Variants in WDR62 observed in about 807,000 individuals in gnomAD.
WDR62 encodes WD repeat-containing protein 62.
WDR62 carries 112 observed loss-of-function variants against 160.6 expected under a neutral mutation model. That is an observed-to-expected ratio of 0.70 (90% CI 0.60 to 0.82). The LOEUF (loss-of-function observed/expected upper bound fraction) is 0.82, where lower values mean the gene tolerates loss of function less well. Ranked by LOEUF, WDR62 falls within the 40% of genes least tolerant of loss-of-function variation. The pLI is 0.00. For synonymous variants in WDR62, 792 were observed against 815.1 expected, an observed-to-expected ratio of 0.97 and a Z score of 0.48; for missense variants, 1,819 against 1,983.8, an observed-to-expected ratio of 0.92 and a Z score of 1.58.
intron 8 of WDR62, 48 bp downstream of exon 8, chr19:36,071,764 G>T: frequency 1.9e-6 from 3 of 1,584,770 alleles, no homozygotes; most frequent in Non-Finnish European, 2.6e-6. Context: ...CCCAGAGTCT[G>T]TCCACTGGCA....
At chr19:36,101,529 T>C (rs1973335687) in intron 24 of WDR62, 135 bp from the exon 25 acceptor site, 3 of 808,690 alleles carry the variant, frequency 3.7e-6, no homozygotes, top group Admixed American at 2.1e-5. Flanking sequence ...ACTTCCCTTA[T>C]TCATAAAATG....
chr19:36,099,303 AG>A, intron 21 of WDR62, 95 bp from the exon 22 acceptor site: 1 of 960,946 alleles, frequency 1.0e-6, no homozygotes, highest in Non-Finnish European at 1.6e-6. Flanking sequence ...TGGTATTGAA[AG>A]CCAAGAGTCC....
intron 20 of WDR62, among the ~76,000 whole-genome samples, chr19:36,095,329 C>T (rs1972891958): frequency 6.6e-6 from 1 of 152,156 alleles, no homozygotes; most frequent in Non-Finnish European, 1.5e-5. Context: ...ACACCTCTTT[C>T]CTATAGTAGC....
At chr19:36,105,261 C>T (rs12462398), downstream of WDR62, among the ~76,000 whole-genome samples, 463 of 152,214 alleles carry the variant, frequency 3.0e-3, 6 homozygotes, top group East Asian at 0.022. Context: ...CAGCCATGAC[C>T]TCAGGGCCAG....
chr19:36,082,183 C>T (rs1384832108), intron 10 of WDR62, among the ~76,000 whole-genome samples: 1 of 152,224 alleles, frequency 6.6e-6, no homozygotes, highest in African/African-American at 2.4e-5. Flanking sequence ...CACACACAAT[C>T]TAGTGAGGGC....
At position 36,099,534 on chromosome 19, in the gene WDR62, T is replaced by C. The variant is rs1973195380; in HGVS notation, c.2656T>C (p.Phe886Leu). 7 of 1,614,182 alleles carry C rather than the reference T, an allele frequency of 4.3e-6. No individual in the cohort carries two copies. The highest frequency in any genetic ancestry group is 5.9e-6 in the Non-Finnish European group (7 of 1,180,018). ...GGATGCCCAGGACCTGGATTGCTAC[T>C]TTACCCCCATGAAGCCCGAGAGTCT... is the stretch of plus-strand genomic sequence containing the variant. ...ILDAQDLDCY[F>L]TPMKPESLEN... is the part of the protein sequence containing the mutation. The change falls in exon 22 of 32, where the codon TTT becomes CTT. Residue 886 changes from phenylalanine to leucine, a missense_variant. Physicochemically the swap from Phe to Leu is conservative, Grantham distance 22. Coordinates refer to ENST00000401500, the MANE Select transcript of WDR62 (RefSeq NM_001083961.2).
At position 36,067,923 on chromosome 19, in the gene WDR62, G is replaced by A. The variant is rs1340807065; in HGVS notation, c.795G>A (p.Met265Ile). Reference protein sequence around the residue: ...FCGVACGRGRMAGSTFCVSYS... With the variant: ...FCGVACGRGRIAGSTFCVSYS... ...GTGTGGCCTGCGGTCGGGGCCGGAT[G>A]GCGGGCAGTACCTTCTGTGTGTCCT... The change falls in exon 7 of 32, where the codon ATG becomes ATA. Residue 265 changes from methionine to isoleucine, a missense_variant. Physicochemically the swap from Met to Ile is conservative, Grantham distance 10 (BLOSUM62 1). Transcript: ENST00000401500. 3 of 1,614,090 alleles carry A rather than the reference G, an allele frequency of 1.9e-6. No individual in the cohort carries two copies. Among genetic ancestry groups the A allele is most frequent in the Non-Finnish European group, 2.5e-6 (3 of 1,180,048 alleles).
At chr19:36,098,423 G>T (rs1973108103) in intron 21 of WDR62, among the ~76,000 whole-genome samples, 1 of 151,970 alleles carries the variant, frequency 6.6e-6, no homozygotes, top group Non-Finnish European at 1.5e-5. Flanking sequence ...AAATTAGCTG[G>T]GCATGGTGGT....
At position 36,081,514 on chromosome 19, in the gene WDR62, T is replaced by G. The variant is rs75230537; in HGVS notation, c.1315T>G (p.Phe439Val). The G allele has an allele frequency of 1.9e-3, 3,091 of 1,614,178 alleles. 60 individuals carry two copies. The African/African-American group carries it at 0.037, about 19-fold the overall frequency. ...LTCSSDNTIR[F>V]WNLDSSPDSH... ...TTGTTCTTCAGACAACACCATTCGCTTCTGGAACTTGGACAGCAGCCCTGA... is the reference window on the plus strand; with the variant it reads ...TTGTTCTTCAGACAACACCATTCGCGTCTGGAACTTGGACAGCAGCCCTGA... The change falls in exon 10 of 32, where the codon TTC becomes GTC. Residue 439 changes from phenylalanine (F) to valine (V), a missense_variant. By Grantham distance (50) the Phe-to-Val change is conservative. Coordinates refer to ENST00000401500, the MANE Select transcript of WDR62 (RefSeq NM_001083961.2).
In WDR62 at chr19:36,104,639, G is replaced by T. The variant is rs1973627759; in HGVS notation, c.4275G>T (p.Gln1425His). ...SRVGNILHRL[Q>H]TTFQEALDLY... is the part of the protein sequence containing the mutation. The stretch of plus-strand genomic sequence containing the variant: ...TGGGGAACATCTTGCACAGGCTGCA[G>T]ACCACCTTCCAAGAAGCCCTCGACC... Residue 1425 changes from glutamine (Q) to histidine (H), a missense_variant, in exon 31 of 32, where the codon CAG becomes CAT. This residue lies in a region of WDR62 where 770 missense variants were observed against 734.2 expected (regional missense o/e 1.05). Coordinates refer to ENST00000401500, the MANE Select transcript of WDR62 (RefSeq NM_001083961.2). 9.3e-6 allele frequency: 15 copies of T among 1,614,128 alleles called. No homozygotes were observed. The highest frequency in any genetic ancestry group is 1.3e-5 in the Non-Finnish European group (15 of 1,180,034).
chr19:36,101,925 T>A, intron 25 of WDR62, 89 bp from the exon 26 acceptor site: 1 of 1,598,038 alleles, frequency 6.3e-7, no homozygotes, highest in Middle Eastern at 1.7e-4. Context: ...AGGGCAGGGA[T>A]GGGTGGGGCC....
the WDR62 span, among the ~76,000 whole-genome samples, chr19:36,110,711 G>T: frequency 6.6e-6 from 1 of 152,142 alleles, no homozygotes; most frequent in Non-Finnish European, 1.5e-5. Flanking sequence ...GATTTATCCA[G>T]ATCTGCTGTC....
At chr19:36,101,029 G>T (rs1427536496) in intron 23 of WDR62, among the ~76,000 whole-genome samples, 154 bp downstream of exon 23, 1 of 152,172 alleles carries the variant, frequency 6.6e-6, no homozygotes, top group Admixed American at 6.5e-5. Context: ...TAGTTCCCTG[G>T]TTCCAGGTGG....
intron 26 of WDR62, 197 bp from the exon 27 acceptor site, chr19:36,102,540 C>T: frequency 4.9e-6 from 3 of 615,376 alleles, no homozygotes; most frequent in Admixed American, 2.9e-5. Flanking sequence ...GGATTACAGG[C>T]GTGAGCCACC....
At chr19:36,068,442 GA>G (rs2145594892) in intron 7 of WDR62, among the ~76,000 whole-genome samples, 2 of 152,290 alleles carry the variant, frequency 1.3e-5, no homozygotes, top group Non-Finnish European at 2.9e-5. Context: ...ATAGTGGAGG[GA>G]AGGTCAGCAG....
chr19:36,086,897 T>C lies in WDR62; in HGVS notation c.1768+85T>C, dbSNP rs144519622. On this transcript the variant is annotated intron_variant, in intron 13 of 31. Transcript: ENST00000401500. ...ATTCTTTCAACTCTCCTGTAAAATATATATCCAAACAAGTGAATACAGTAT... is the reference window on the plus strand; with the variant it reads ...ATTCTTTCAACTCTCCTGTAAAATACATATCCAAACAAGTGAATACAGTAT... The C allele has an allele frequency of 2.2e-4, 337 of 1,519,192 alleles. 1 individual carries two copies. In the African/African-American group the frequency reaches 4.3e-3, roughly 19 times the overall value. 94.1% of individuals were successfully genotyped at this position (1,519,192 alleles called of 1,614,324 possible).
chr19:36,055,242 G>A lies in WDR62; in HGVS notation c.177+94G>A, dbSNP rs887455766. 9.9e-6 allele frequency: 14 copies of A among 1,414,608 alleles called. No homozygotes were observed. The South Asian group carries it at 1.4e-4, about 14-fold the overall frequency. The allele number at this position is 1,414,608 out of a possible 1,614,324, so 87.6% of individuals were successfully genotyped here. ...AACTGTGGCCCCGACATCAGCCCCC[G>A]GCCAGTCCCCTCAGGTTGTTCCCTG... On this transcript the variant is annotated intron_variant, in intron 1 of 31. Coordinates refer to ENST00000401500, the MANE Select transcript of WDR62 (RefSeq NM_001083961.2).
intron 15 of WDR62, among the ~76,000 whole-genome samples, chr19:36,090,006 A>G (rs916711362): frequency 8.5e-5 from 13 of 152,344 alleles, no homozygotes; most frequent in African/African-American, 2.2e-4. Context: ...TCACAGCCAC[A>G]GACAGTGACA....
rs200232641 is a variant in WDR62 at position 36,102,093 on chromosome 19, G to A, written c.3162G>A (p.Pro1054=). Residue 1054 remains proline (P), a synonymous_variant, in exon 26 of 32, where the codon CCG becomes CCA. Coordinates refer to ENST00000401500, the MANE Select transcript of WDR62 (RefSeq NM_001083961.2). ...SVPSSSLPQT[P]EQEKFLRHHF... is the part of the protein sequence containing the mutation. ...CCAGCAGCTCCCTACCCCAGACTCC[G>A]GAGCAGGAGAAGTTCCTCCGCCACC... 3.7e-5 allele frequency: 59 copies of A among 1,614,116 alleles called. No homozygotes were observed. The highest frequency in any genetic ancestry group is 9.9e-5 in the South Asian group (9 of 91,088).
Sources: allele counts gnomAD v4.1 joint callset (sites outside exome capture counted in the v4.1 genomes callset), GRCh38; gene constraint gnomAD v4.1.1; regional missense constraint gnomAD v4.1.1; transcripts MANE v1.5; gene names NCBI Gene and HGNC (gene_info 2026-07-23, HGNC 2026-07-21).